PLXDC2: variants seen among roughly 807,000 people sequenced by gnomAD.
The protein encoded by PLXDC2 is plexin domain containing 2.
PLXDC2 carries 40 observed loss-of-function variants against 68.9 expected under a neutral mutation model. That is an observed-to-expected ratio of 0.58 (90% CI 0.45 to 0.76). PLXDC2 has a LOEUF of 0.76. Among genes scored for constraint, PLXDC2 ranks in the 30% least tolerant of loss-of-function variants. The pLI is 0.00. For synonymous variants in PLXDC2, 243 were observed against 234.2 expected (o/e 1.04, Z -0.34); for missense variants, 644 against 661.9 (o/e 0.97, Z 0.30).
rs773729970 is a variant in PLXDC2 at position 20,001,915 on chromosome 10, G to A, written c.253G>A (p.Asp85Asn). The A allele has an allele frequency of 1.2e-6, 2 of 1,613,354 alleles. No individual in the cohort carries two copies. Among genetic ancestry groups the A allele is most frequent in the Non-Finnish European group, 1.7e-6 (2 of 1,179,992 alleles). The part of the protein sequence containing the change: ...VDTNRASVGQ[D>N]SPEPRSFTDL... ...CACGAACCGAGCAAGCGTCGGCCAA[G>A]ACTCTCCTGAGCCCAGAAGCTTCAC... is the stretch of plus-strand genomic sequence containing the variant. Residue 85 changes from aspartate to asparagine, a missense_variant, in exon 2 of 14, where the codon GAC becomes AAC. Transcript: ENST00000377252.
Position 20,250,601 on chromosome 10 carries a change from C to T in PLXDC2, c.1473+5096C>T, listed in dbSNP as rs79885020. Among the ~76,000 whole-genome samples the T allele has an allele frequency of 2.8e-3, 419 of 152,232 alleles. 14 individuals are homozygous for T. In the East Asian group the frequency reaches 0.044, roughly 16 times the overall value. On this transcript the variant is annotated intron_variant, in intron 13 of 13. Transcript: ENST00000377252. ...TCAGTAGTGGAGTCAGGATTTAAGC[C>T]CAGGCTCTCCAACTCCAGAGACTAT...
At chr10:20,209,914 G>A (rs576330475) in intron 9 of PLXDC2, among the ~76,000 whole-genome samples, 2 of 152,266 alleles carry the variant, frequency 1.3e-5, no homozygotes, top group African/African-American at 4.8e-5. Context: ...GTAAAGACAG[G>A]TGTAAGAAAT....
intron 7 of PLXDC2, among the ~76,000 whole-genome samples, chr10:20,171,854 A>G (rs1164471295): frequency 6.6e-6 from 1 of 152,092 alleles, no homozygotes; most frequent in East Asian, 1.9e-4. Context: ...TCGTGCCTGT[A>G]ATCTCAGCAT....
intron 2 of PLXDC2, among the ~76,000 whole-genome samples, chr10:20,033,329 T>C (rs1303063923): frequency 6.6e-6 from 1 of 152,202 alleles, no homozygotes; most frequent in Non-Finnish European, 1.5e-5. Context: ...TTCAATATTC[T>C]TGATACTTCT....
chr10:20,156,302 A>G (rs1414457252), intron 6 of PLXDC2, among the ~76,000 whole-genome samples: 1 of 152,214 alleles, frequency 6.6e-6, no homozygotes, highest in Non-Finnish European at 1.5e-5. Flanking sequence ...CTTAACTCAG[A>G]GGGCACACTT....
rs147644062 is a variant in PLXDC2 at position 20,177,445 on chromosome 10, A to C, written c.1061+36A>C. On this transcript the variant is annotated intron_variant, in intron 9 of 13. Transcript: ENST00000377252. ...AATAATAAGAATAATAATAAAATTT[A>C]AAAAGATATTTTAAAAGATTAGAAA... The C allele has an allele frequency of 7.5e-6, 8 of 1,071,068 alleles. No individual in the cohort carries two copies. The Middle Eastern group carries it at 8.1e-4, about 108-fold the overall frequency. The allele number at this position is 1,071,068 out of a possible 1,614,324, so 66.3% of individuals were successfully genotyped here. A position where few individuals can be genotyped will look rare whatever the true frequency, so the allele number is the denominator to read the frequency against.
At chr10:20,228,025 T>A (rs1835309019) in intron 12 of PLXDC2, among the ~76,000 whole-genome samples, 1 of 152,110 alleles carries the variant, frequency 6.6e-6, no homozygotes, top group Non-Finnish European at 1.5e-5. Flanking sequence ...TGGGCGTAAG[T>A]TATCTGGGTG....
intron 13 of PLXDC2, among the ~76,000 whole-genome samples, chr10:20,259,943 G>T (rs1424280607): frequency 1.3e-5 from 2 of 152,104 alleles, no homozygotes; most frequent in Admixed American, 1.3e-4. Flanking sequence ...AAAAAAGGAA[G>T]AAGATTCCTA....
rs1834681246 is a variant in PLXDC2 at position 19,988,203 on chromosome 10, CTG to C, written c.113-13571_113-13570del. 5.9e-5 allele frequency among the ~76,000 whole-genome samples: 9 copies of C among 152,278 alleles called. 1 individual carries two copies. The South Asian group carries it at 1.9e-3, about 32-fold the overall frequency. ...ATTTTGAAAGCCTTTGCAAGCCTAA[CTG>C]ATAACTAAGGAAATACAGAATTGGA... is the stretch of plus-strand genomic sequence containing the variant. On this transcript the variant is annotated intron_variant, in intron 1 of 13. Transcript: ENST00000377252.
At chr10:20,181,222 T>C (rs1444396983) in intron 9 of PLXDC2, among the ~76,000 whole-genome samples, 1 of 152,040 alleles carries the variant, frequency 6.6e-6, no homozygotes, top group African/African-American at 2.4e-5. Flanking sequence ...CATGGTTTGA[T>C]TAGTTTTTAA....
At chr10:20,121,595 C>T (rs1358281290) in intron 4 of PLXDC2, among the ~76,000 whole-genome samples, 1 of 151,916 alleles carries the variant, frequency 6.6e-6, no homozygotes, top group Admixed American at 6.6e-5. Flanking sequence ...TAAGTGAAAG[C>T]GAAGAGAGGC....
intron 4 of PLXDC2, among the ~76,000 whole-genome samples, chr10:20,133,832 T>G (rs1833900226): frequency 2.0e-5 from 3 of 152,174 alleles, no homozygotes; most frequent in Admixed American, 2.0e-4. Context: ...GGAACTCCCA[T>G]AATGAATATA....
intron 1 of PLXDC2, among the ~76,000 whole-genome samples, chr10:19,909,061 A>T (rs1833219749): frequency 6.6e-6 from 1 of 152,200 alleles, no homozygotes. Context: ...TGAAAATGTC[A>T]GCATTCTGGT....
intron 13 of PLXDC2, among the ~76,000 whole-genome samples, chr10:20,257,809 A>AT (rs1049352373): frequency 7.2e-5 from 11 of 151,880 alleles, no homozygotes; most frequent in Middle Eastern, 3.2e-3. Flanking sequence ...TTCTTTTTTA[A>AT]TTTTTTTAAT....
chr10:20,082,356 G>A (rs1836583282), intron 4 of PLXDC2, among the ~76,000 whole-genome samples: 1 of 151,878 alleles, frequency 6.6e-6, no homozygotes, highest in South Asian at 2.1e-4. Context: ...GGGAAATCAG[G>A]TGTGGAGTAT....
chr10:20,187,204 C>T (rs189106360), intron 9 of PLXDC2, among the ~76,000 whole-genome samples: 7 of 151,896 alleles, frequency 4.6e-5, no homozygotes, highest in Non-Finnish European at 7.4e-5. Flanking sequence ...TTGAACAAAG[C>T]AATAAAGCCT....
intron 4 of PLXDC2, among the ~76,000 whole-genome samples, chr10:20,104,093 C>T (rs553558999): frequency 6.6e-6 from 1 of 152,206 alleles, no homozygotes; most frequent in East Asian, 1.9e-4. Flanking sequence ...GAAGTAAAGT[C>T]ATTAGCTGAG....
intron 1 of PLXDC2, among the ~76,000 whole-genome samples, chr10:19,836,829 G>C (rs936910939): frequency 3.3e-5 from 5 of 152,148 alleles, no homozygotes; most frequent in African/African-American, 1.2e-4. Context: ...ATAGAAGAAA[G>C]AATGTTGTTT....
intron 9 of PLXDC2, among the ~76,000 whole-genome samples, chr10:20,183,774 A>G (rs1445715253): frequency 1.3e-5 from 2 of 151,972 alleles, no homozygotes; most frequent in African/African-American, 4.8e-5. Context: ...CTAATTGCCC[A>G]TTTTGGCTGT....
Sources: allele counts gnomAD v4.1 joint callset (sites outside exome capture counted in the v4.1 genomes callset), GRCh38; gene constraint gnomAD v4.1.1; transcripts MANE v1.5; gene names NCBI Gene and HGNC (gene_info 2026-07-23, HGNC 2026-07-21).